The following SRP68 variants were observed in gnomAD, a reference collection of about 807,000 sequenced individuals.
SRP68 encodes the protein signal recognition particle subunit SRP68.
In SRP68, 15 loss-of-function variants were observed where a neutral mutation model predicts 82.2. That is an observed-to-expected ratio of 0.18 (90% CI 0.12 to 0.28). The LOEUF is 0.28. Ranked by LOEUF, SRP68 falls within the 10% of genes least tolerant of loss-of-function variation. The probability of loss-of-function intolerance (pLI) is 1.00; values close to 1 mark genes in which losing one functional copy is unlikely to be tolerated. For missense variants in SRP68, 595 were observed against 780.5 expected (o/e 0.76, Z 2.83); for synonymous variants, 261 against 292.6 (o/e 0.89, Z 1.10).
At chr17:76,062,742 T>TATATATATATATATAAAAA (rs1555629425) in intron 4 of SRP68, among the ~76,000 whole-genome samples, 1 of 28,208 alleles carries the variant, frequency 3.5e-5, no homozygotes, top group Non-Finnish European at 5.7e-5. Context: ...TATATATATA[T>TATATATATATATATAAAAA]ATATATATAT....
chr17:76,060,559 G>A (rs939654304), intron 6 of SRP68, 169 bp from the exon 7 acceptor site: 11 of 575,814 alleles, frequency 1.9e-5, no homozygotes, highest in African/African-American at 1.9e-4. Context: ...GAAATTGACT[G>A]GGGCAATGAA....
At chr17:76,047,799 ACAAAG>A (rs2066642439) in intron 10 of SRP68, 102 bp downstream of exon 10, 5 of 541,998 alleles carry the variant, frequency 9.2e-6, no homozygotes, top group East Asian at 5.3e-5. Context: ...AAAAAAAAAA[ACAAAG>A]AAAAGAAATT....
chr17:76,067,231 A>G lies in SRP68; in HGVS notation c.351T>C (p.Leu117=). 1 of 1,613,450 alleles carries G rather than the reference A, an allele frequency of 6.2e-7. No individual in the cohort carries two copies. ...GCAGTCAATACCTATTATCGGTCAG[A>G]AGCTCTTCAGTCACTTTCTTCCCTG... ...KFTGKKVTEE[L]LTDNRYLLLV... The change falls in exon 3 of 16, where the codon CTT becomes CTC. Residue 117 remains leucine (L), a synonymous_variant. Transcript: ENST00000307877.
In SRP68 at chr17:76,057,490, C is replaced by T; in HGVS notation, c.891G>A (p.Glu297=). 1 of 1,614,202 alleles carries T rather than the reference C, an allele frequency of 6.2e-7. No homozygotes were observed. Among genetic ancestry groups the T allele is most frequent in the South Asian group, 1.1e-5 (1 of 91,090 alleles). The change falls in exon 8 of 16, where the codon GAG becomes GAA. Residue 297 remains glutamate, a synonymous_variant. Coordinates refer to ENST00000307877, the MANE Select transcript of SRP68 (RefSeq NM_014230.4). ...TCACTGGAACCGTTCTCCCTCTCCA[C>T]TCCACTTCACTCATGGTAGCTGCCT... ...AKQAATMSEV[E]WRGRTVPVKI... is the part of the protein sequence containing the mutation.
chr17:76,039,658 A>G lies in SRP68; in HGVS notation c.*48T>C. The G allele has an allele frequency of 6.4e-7, 1 of 1,565,334 alleles. No homozygotes were observed. The highest frequency in any genetic ancestry group is 8.8e-7 in the Non-Finnish European group (1 of 1,140,838). ...TGGAACTTGCTGGGATTTTCTCACA[A>G]TACAGATTAAGAGTCAGAATCTCCC... On this transcript the variant is annotated 3_prime_UTR_variant, in exon 16 of 16. Transcript: ENST00000307877.
chr17:76,070,286 C>T (rs2144535186), intron 2 of SRP68, 92 bp downstream of exon 2: 2 of 963,528 alleles, frequency 2.1e-6, no homozygotes, highest in Non-Finnish European at 3.2e-6. Context: ...GACTTTCTAG[C>T]ATATTTGCTG....
intron 12 of SRP68, 132 bp downstream of exon 12, chr17:76,045,160 C>T (rs1408641081): frequency 7.2e-6 from 5 of 691,730 alleles, no homozygotes; most frequent in Non-Finnish European, 1.3e-5. Context: ...CTGGGCTGAC[C>T]TTCCTCTGAT....
intron 8 of SRP68, among the ~76,000 whole-genome samples, chr17:76,052,530 C>A (rs991629290): frequency 6.6e-6 from 1 of 152,106 alleles, no homozygotes; most frequent in African/African-American, 2.4e-5. Context: ...ATGGGCTGGG[C>A]GCGGTGGCTC....
chr17:76,070,446 T>C lies in SRP68; in HGVS notation c.185-2A>G. The stretch of plus-strand genomic sequence containing the variant: ...GGGATTCCTTAATAATCTGAAGAAC[T>C]AGAGTCGAGATTAAGGAAAATCTTA... On this transcript the variant is annotated splice_acceptor_variant, in intron 1 of 15. Transcript: ENST00000307877. LOFTEE classifies it high-confidence loss of function. 6.2e-7 allele frequency: 1 copy of C among 1,613,618 alleles called. No homozygotes were observed. The highest frequency in any genetic ancestry group is 8.5e-7 in the Non-Finnish European group (1 of 1,179,614).
At position 76,040,902 on chromosome 17, in the gene SRP68, C is replaced by T. The variant is rs1483107443; in HGVS notation, c.1600+1G>A. The T allele has an allele frequency of 6.2e-7, 1 of 1,613,822 alleles. No homozygotes were observed. On this transcript the variant is annotated splice_donor_variant, in intron 14 of 15. Transcript: ENST00000307877. LOFTEE classifies it high-confidence loss of function. ...ATACAAAGGCCAGGCAGGGGGCTCA[C>T]CAAGGATGGCTGCGGCCTGCAGGGA...
chr17:76,063,021 T>C (rs554787183), intron 4 of SRP68, among the ~76,000 whole-genome samples: 21 of 151,200 alleles, frequency 1.4e-4, no homozygotes, highest in Non-Finnish European at 2.5e-4. Context: ...CTGCCCACCT[T>C]GGCCTCCCAA....
chr17:76,043,122 G>A (rs993791381), intron 13 of SRP68, among the ~76,000 whole-genome samples: 2 of 151,776 alleles, frequency 1.3e-5, no homozygotes, highest in Admixed American at 1.3e-4. Context: ...AAATTGGCCT[G>A]GTATGGTGGC....
chr17:76,061,260 T>C, intron 5 of SRP68, 41 bp from the exon 6 acceptor site: 1 of 1,369,008 alleles, frequency 7.3e-7, no homozygotes, highest in Non-Finnish European at 1.0e-6. Flanking sequence ...CAGCCTTATA[T>C]AAGAAAAACT....
At chr17:76,048,573 C>G (rs984641692) in intron 9 of SRP68, 4 of 152,160 alleles carry the variant, frequency 2.6e-5, no homozygotes, top group African/African-American at 9.7e-5. Context: ...AGGAGCTGAT[C>G]GCTTTGAAGC....
intron 11 of SRP68, among the ~76,000 whole-genome samples, chr17:76,045,688 A>G (rs1376917830): frequency 1.3e-5 from 2 of 152,186 alleles, no homozygotes; most frequent in Non-Finnish European, 2.9e-5. Context: ...TTTGCTTAGC[A>G]TCTACTCAGA....
chr17:76,045,848 C>G (rs915950208), intron 11 of SRP68, among the ~76,000 whole-genome samples, 190 bp downstream of exon 11: 1 of 152,212 alleles, frequency 6.6e-6, no homozygotes, highest in Non-Finnish European at 1.5e-5. Flanking sequence ...TCACTATTCT[C>G]TGCAGATCAG....
chr17:76,072,417 G>T lies in SRP68; in HGVS notation c.75C>A (p.Gly25=). The T allele has an allele frequency of 6.3e-7, 1 of 1,583,696 alleles. No individual in the cohort carries two copies. The change falls in exon 1 of 16, where the codon GGC becomes GGA. Residue 25 remains glycine, a synonymous_variant. Coordinates refer to ENST00000307877, the MANE Select transcript of SRP68 (RefSeq NM_014230.4). This position sits in a 1 kb window ranked among gnomAD's most constrained non-coding sequence, Gnocchi z 4.5. ...GSGGGGGSGG[G]GSGGGRGAGG... The stretch of plus-strand genomic sequence containing the variant: ...CGGCACCACGTCCACCGCCGCTACC[G>T]CCGCCGCCACTGCCACCGCCGCCGC...
intron 2 of SRP68, 139 bp downstream of exon 2, chr17:76,070,239 A>G (rs1029319346): frequency 1.4e-6 from 1 of 703,446 alleles, no homozygotes; most frequent in Non-Finnish European, 2.3e-6. Flanking sequence ...AAAAAAAAAA[A>G]CAAAGCAAAC....
intron 9 of SRP68, 71 bp downstream of exon 9, chr17:76,050,357 A>C: frequency 9.0e-7 from 1 of 1,106,630 alleles, no homozygotes; most frequent in Non-Finnish European, 1.4e-6. Context: ...ACTGGGGTCC[A>C]CCTGAGAAGG....
Sources: gnomAD v4.1 joint callset for allele counts (sites outside exome capture counted in the v4.1 genomes callset) on GRCh38, gnomAD v4.1.1 for gene constraint, Gnocchi (gnomAD v3.1) non-coding constraint, MANE v1.5 for transcripts, NCBI Gene and HGNC (gene_info 2026-07-23, HGNC 2026-07-21) for gene names.